Variants in STXBP5L observed in about 807,000 individuals in gnomAD.
The protein encoded by STXBP5L is syntaxin-binding protein 5-like.
Under a neutral mutation model 144.5 loss-of-function variants are expected in STXBP5L, and 65 were observed. The ratio of observed to expected loss-of-function variants is 0.45; its 90% CI spans 0.37 to 0.55. The LOEUF (loss-of-function observed/expected upper bound fraction) is 0.55. Ranked by LOEUF, STXBP5L falls within the 20% of genes least tolerant of loss-of-function variation. The pLI is 0.00. For synonymous variants in STXBP5L, 505 were observed against 469.6 expected, an observed-to-expected ratio of 1.08 and a Z score of -0.97; for missense variants, 1,298 against 1,405.5, an observed-to-expected ratio of 0.92 and a Z score of 1.22.
chr3:121,367,583 T>A (rs914012900), intron 20 of STXBP5L, among the ~76,000 whole-genome samples: 2 of 148,848 alleles, frequency 1.3e-5, no homozygotes, highest in Non-Finnish European at 1.5e-5. Context: ...TCTCTCTTTG[T>A]CTTCGACTCT....
intron 15 of STXBP5L, among the ~76,000 whole-genome samples, chr3:121,253,697 C>T (rs1384459872): frequency 1.3e-5 from 2 of 150,156 alleles, no homozygotes; most frequent in African/African-American, 4.9e-5. Flanking sequence ...GGCGCAGTCT[C>T]GGCTCACTGC....
chr3:121,108,079 C>T (rs1194460320), intron 5 of STXBP5L, among the ~76,000 whole-genome samples: 1 of 152,098 alleles, frequency 6.6e-6, no homozygotes, highest in African/African-American at 2.4e-5. Flanking sequence ...TGAGACTTTG[C>T]TGAAGTTGCT....
chr3:121,004,466 T>G (rs1483986016), intron 3 of STXBP5L, among the ~76,000 whole-genome samples: 1 of 151,834 alleles, frequency 6.6e-6, no homozygotes, highest in African/African-American at 2.4e-5. Context: ...ACAATGGGGT[T>G]TTCTAGATAT....
intron 2 of STXBP5L, among the ~76,000 whole-genome samples, chr3:120,914,911 C>T (rs184671663): frequency 6.6e-6 from 1 of 151,970 alleles, no homozygotes; most frequent in Admixed American, 6.6e-5. Context: ...CCAGATGACT[C>T]AGTACTCCAG....
chr3:120,930,427 T>G (rs1709872653), intron 2 of STXBP5L, among the ~76,000 whole-genome samples: 1 of 151,992 alleles, frequency 6.6e-6, no homozygotes, highest in Admixed American at 6.6e-5. Context: ...TCAGGAAGAG[T>G]TCATGGAAAC....
intron 10 of STXBP5L, among the ~76,000 whole-genome samples, chr3:121,215,486 T>A (rs1309307439): frequency 6.6e-6 from 1 of 152,172 alleles, no homozygotes; most frequent in Non-Finnish European, 1.5e-5. Context: ...GGATATGAAA[T>A]TCTGGTTTGA....
At chr3:121,002,685 CCTAAT>C (rs1303183766) in intron 3 of STXBP5L, among the ~76,000 whole-genome samples, 1 of 152,046 alleles carries the variant, frequency 6.6e-6, no homozygotes, top group Non-Finnish European at 1.5e-5. Flanking sequence ...AGGTATACCT[CCTAAT>C]GCAATCCCTC....
chr3:121,126,732 T>A (rs937683006), intron 7 of STXBP5L, among the ~76,000 whole-genome samples: 2 of 152,180 alleles, frequency 1.3e-5, no homozygotes, highest in Non-Finnish European at 2.9e-5. Context: ...CAATTTATTA[T>A]CTTTCAGTTC....
chr3:121,401,380 C>A (rs992274212), intron 22 of STXBP5L, among the ~76,000 whole-genome samples: 1 of 151,190 alleles, frequency 6.6e-6, no homozygotes, highest in African/African-American at 2.4e-5. Flanking sequence ...TTGACCCAGC[C>A]ATCCCATTAC....
intron 25 of STXBP5L, 38 bp downstream of exon 25, chr3:121,416,006 T>C: frequency 6.6e-7 from 1 of 1,526,416 alleles, no homozygotes; most frequent in Non-Finnish European, 9.0e-7. Flanking sequence ...TATTGCAAAA[T>C]AGAAGACGTT....
In STXBP5L at chr3:121,196,856, A is replaced by ATTGG. The variant is rs1172457833; in HGVS notation, c.878-9064_878-9063insGTTG. 3.5e-4 allele frequency among the ~76,000 whole-genome samples: 53 copies of ATTGG among 151,330 alleles called. 1 individual carries two copies. Among genetic ancestry groups the ATTGG allele is most frequent in the Non-Finnish European group, 6.3e-4 (43 of 67,762 alleles). On this transcript the variant is annotated intron_variant, in intron 9 of 26. Coordinates refer to ENST00000471454, the MANE Select transcript of STXBP5L (RefSeq NM_001308330.2). ...AGATTATTGATTGATTGATTGATTG[A>ATTGG]TTGATTGATTGAGACAGGGTCTACC...
intron 9 of STXBP5L, among the ~76,000 whole-genome samples, chr3:121,199,284 T>A (rs926345207): frequency 1.3e-5 from 2 of 152,204 alleles, no homozygotes; most frequent in Admixed American, 6.5e-5. Context: ...TCTCTACTTG[T>A]CTATTATCGA....
At chr3:121,195,743 C>T (rs374834260) in intron 9 of STXBP5L, among the ~76,000 whole-genome samples, 5 of 152,190 alleles carry the variant, frequency 3.3e-5, no homozygotes, top group East Asian at 1.9e-4. Flanking sequence ...CAGCTCAAAT[C>T]TCCTGGTTCC....
chr3:121,144,645 A>C (rs1298649225), intron 7 of STXBP5L, among the ~76,000 whole-genome samples: 1 of 151,926 alleles, frequency 6.6e-6, no homozygotes, highest in Non-Finnish European at 1.5e-5. Flanking sequence ...TGAAATCAAG[A>C]TCTCAAAGAG....
intron 20 of STXBP5L, among the ~76,000 whole-genome samples, chr3:121,355,288 A>T (rs891337230): frequency 1.3e-5 from 2 of 152,172 alleles, no homozygotes; most frequent in Admixed American, 6.5e-5. Context: ...GTGTTTTCCA[A>T]CTTGGTTCCA....
At chr3:121,079,640 G>T (rs1026104774) in intron 5 of STXBP5L, among the ~76,000 whole-genome samples, 3 of 152,124 alleles carry the variant, frequency 2.0e-5, no homozygotes, top group African/African-American at 7.2e-5. Context: ...AGTTTTGAAG[G>T]TTCCTTTTGG....
chr3:120,990,317 C>G (rs565696867), intron 3 of STXBP5L, among the ~76,000 whole-genome samples: 64 of 152,296 alleles, frequency 4.2e-4, no homozygotes, highest in East Asian at 2.3e-3. Flanking sequence ...AGGGTACAAA[C>G]AAATGGAAGA....
chr3:121,143,658 G>A (rs2045599381), intron 7 of STXBP5L, among the ~76,000 whole-genome samples: 1 of 151,790 alleles, frequency 6.6e-6, no homozygotes, highest in African/African-American at 2.4e-5. Flanking sequence ...CCATACATAT[G>A]TGGTCAACTG....
intron 20 of STXBP5L, among the ~76,000 whole-genome samples, chr3:121,377,218 A>C (rs1397217906): frequency 6.6e-6 from 1 of 152,186 alleles, no homozygotes; most frequent in African/African-American, 2.4e-5. Context: ...AATACCCTTT[A>C]TTTCTTTCTC....
Sources: allele counts gnomAD v4.1 joint callset (sites outside exome capture counted in the v4.1 genomes callset), GRCh38; gene constraint gnomAD v4.1.1; transcripts MANE v1.5; gene names NCBI Gene and HGNC (gene_info 2026-07-23, HGNC 2026-07-21).